PCDHAC1: variants seen among roughly 807,000 people sequenced by gnomAD.
The protein encoded by PCDHAC1 is protocadherin alpha-C1.
PCDHAC1 carries 42 observed loss-of-function variants against 60.0 expected under a neutral mutation model. The ratio of observed to expected loss-of-function variants is 0.70; its 90% confidence interval spans 0.55 to 0.90. The LOEUF (loss-of-function observed/expected upper bound fraction) is 0.90, where lower values mean the gene tolerates loss of function less well. Among genes scored for constraint, PCDHAC1 ranks in the 40% least tolerant of loss-of-function variants. The pLI is 0.00. For missense variants in PCDHAC1, 1,160 were observed against 1,222.3 expected, an observed-to-expected ratio of 0.95 and a Z score of 0.76; for synonymous variants, 468 against 499.3, an observed-to-expected ratio of 0.94 and a Z score of 0.84.
intron 1 of PCDHAC1, among the ~76,000 whole-genome samples, chr5:140,935,416 A>G (rs35902736): frequency 0.059 from 8,919 of 152,326 alleles, 374 homozygotes; most frequent in Non-Finnish European, 0.083. Context: ...ATGGACTTAG[A>G]AAACAATTTC....
intron 1 of PCDHAC1, chr5:140,930,385 C>T (rs1335168502): frequency 6.6e-6 from 1 of 151,798 alleles, no homozygotes; most frequent in Non-Finnish European, 1.5e-5. Flanking sequence ...CTTGGCATTT[C>T]AAAACTTCTT....
At position 140,960,349 on chromosome 5, in the gene PCDHAC1, A is replaced by T. The variant is rs936485666; in HGVS notation, c.2434-18600A>T. Among the ~76,000 whole-genome samples, 8 of 152,238 alleles carry T rather than the reference A, an allele frequency of 5.3e-5. No homozygotes were observed. The East Asian group carries it at 1.3e-3, about 26-fold the overall frequency. ...GAGAAGTACATGAGGTGAGATATGTACTGAAATAATATGCCAACTCTTAAG... is the reference window on the plus strand; with the variant it reads ...GAGAAGTACATGAGGTGAGATATGTTCTGAAATAATATGCCAACTCTTAAG... On this transcript the variant is annotated intron_variant, in intron 1 of 3. Coordinates refer to ENST00000253807, the MANE Select transcript of PCDHAC1 (RefSeq NM_018898.5).
intron 1 of PCDHAC1, chr5:140,967,993 T>C (rs372478638): frequency 1.5e-5 from 24 of 1,614,206 alleles, no homozygotes; most frequent in Non-Finnish European, 1.2e-5. Flanking sequence ...CCACACTGCC[T>C]TTCCGACTGA....
rs540052499 is a variant in PCDHAC1 at position 140,992,812 on chromosome 5, G to A, written c.2581+10249G>A. Among the ~76,000 whole-genome samples the A allele has an allele frequency of 2.5e-4, 38 of 152,228 alleles. No homozygotes were observed. The South Asian group carries it at 7.9e-3, about 32-fold the overall frequency. ...TTTTATGGATCCATATGTATCTAAG[G>A]ATGTGTTTGTTTTTTGGGAACATTT... is the stretch of plus-strand genomic sequence containing the variant. On this transcript the variant is annotated intron_variant, in intron 3 of 3. Transcript: ENST00000253807.
chr5:140,966,958 G>T (rs561982676), intron 1 of PCDHAC1: 4 of 1,602,380 alleles, frequency 2.5e-6, no homozygotes, highest in African/African-American at 2.7e-5. Context: ...TGGCTCGCGC[G>T]CTGGGGCTTG....
chr5:141,009,712 C>T lies in PCDHAC1; in HGVS notation c.2667C>T (p.Pro889=). The T allele has an allele frequency of 1.2e-6, 2 of 1,614,156 alleles. No individual in the cohort carries two copies. Among genetic ancestry groups the T allele is most frequent in the African/African-American group, 1.3e-5 (1 of 75,034 alleles). ...CCTTTAAATACGGACCAGGCAACCC[C>T]AAACAATCCGGTCCCGGTGAGTTGC... is the stretch of plus-strand genomic sequence containing the variant. ...SWTFKYGPGN[P]KQSGPGELPD... is the part of the protein sequence containing the mutation. The change falls in exon 4 of 4, where the codon CCC becomes CCT. Residue 889 remains proline (P), a synonymous_variant. Transcript: ENST00000253807.
chr5:140,966,903 A>G (rs1554228870), intron 1 of PCDHAC1: 2 of 1,599,926 alleles, frequency 1.3e-6, no homozygotes, highest in South Asian at 2.2e-5. Context: ...CAGCTGCGAT[A>G]CTCTGTGCCA....
At chr5:140,999,620 G>A (rs184259991) in intron 3 of PCDHAC1, among the ~76,000 whole-genome samples, 6 of 152,262 alleles carry the variant, frequency 3.9e-5, no homozygotes, top group African/African-American at 1.2e-4. Flanking sequence ...TATCAACCAG[G>A]AAACAAGGTA....
In PCDHAC1 at chr5:140,929,247, T is replaced by G. The variant is rs2085977234; in HGVS notation, c.2355T>G (p.Thr785=). The G allele has an allele frequency of 1.9e-6, 3 of 1,613,780 alleles. No individual in the cohort carries two copies. The change falls in exon 1 of 4, where the codon ACT becomes ACG. Residue 785 remains threonine, a synonymous_variant. Coordinates refer to ENST00000253807, the MANE Select transcript of PCDHAC1 (RefSeq NM_018898.5). The part of the protein sequence containing the change: ...YNAADLRNLA[T]GVGLNLPISC... Reference sequence around the variant, plus strand: ...CTGCCGACCTGCGAAATCTTGCCACTGGGGTAGGACTGAATTTGCCAATAT... The same window carrying G: ...CTGCCGACCTGCGAAATCTTGCCACGGGGGTAGGACTGAATTTGCCAATAT...
At position 140,927,089 on chromosome 5, in the gene PCDHAC1, T is replaced by G; in HGVS notation, c.197T>G (p.Phe66Cys). ...CTTTCCAGCCACCGCGAGCTCTACT[T>G]CGGGGTGGATCTACCCAGCGGCAAT... ...RFLSSHRELY[F>C]GVDLPSGNLV... Residue 66 changes from phenylalanine (F) to cysteine (C), a missense_variant, in exon 1 of 4, where the codon TTC (phenylalanine) becomes TGC (cysteine). Physicochemically the swap from Phe to Cys is radical, Grantham distance 205. This residue lies in a region of PCDHAC1 where 1,113 missense variants were observed against 1,163.7 expected (regional missense o/e 0.96). Transcript: ENST00000253807. 1 of 1,612,460 alleles carries G rather than the reference T, an allele frequency of 6.2e-7. No homozygotes were observed. The highest frequency in any genetic ancestry group is 8.5e-7 in the Non-Finnish European group (1 of 1,178,832).
At chr5:140,944,907 T>A (rs246063) in intron 1 of PCDHAC1, among the ~76,000 whole-genome samples, 85,748 of 151,952 alleles carry the variant, frequency 0.56, 24,800 homozygotes, top group African/African-American at 0.69. Flanking sequence ...TTCCACAAAC[T>A]TCTCTTTATA....
intron 1 of PCDHAC1, among the ~76,000 whole-genome samples, chr5:140,936,386 A>C (rs1321919652): frequency 6.6e-6 from 1 of 152,190 alleles, no homozygotes; most frequent in African/African-American, 2.4e-5. Context: ...GTGGCTAGTG[A>C]AACTGGGCTA....
intron 3 of PCDHAC1, among the ~76,000 whole-genome samples, chr5:140,990,421 G>A (rs374181612): frequency 2.6e-5 from 4 of 152,190 alleles, no homozygotes; most frequent in Non-Finnish European, 5.9e-5. Flanking sequence ...CTTTCAACCA[G>A]CATTGACCCA....
intron 3 of PCDHAC1, among the ~76,000 whole-genome samples, chr5:141,000,412 TA>T (rs2097919630): frequency 4.9e-5 from 5 of 102,770 alleles, no homozygotes; most frequent in Non-Finnish European, 5.8e-5. Context: ...TATATATATA[TA>T]TATATATATT....
chr5:140,928,204 G>A lies in PCDHAC1; in HGVS notation c.1312G>A (p.Val438Met), dbSNP rs1554205615. ...RRTITVSVAD[V>M]NDNTPNFPQP... ...GACAATCACTGTGTCAGTTGCTGATGTGAATGACAATACACCAAACTTTCC... is the reference window on the plus strand; with the variant it reads ...GACAATCACTGTGTCAGTTGCTGATATGAATGACAATACACCAAACTTTCC... The change falls in exon 1 of 4, where the codon GTG (valine) becomes ATG (methionine). Residue 438 changes from valine (V) to methionine (M), a missense_variant. Coordinates refer to ENST00000253807, the MANE Select transcript of PCDHAC1 (RefSeq NM_018898.5). 4 of 1,614,236 alleles carry A rather than the reference G, an allele frequency of 2.5e-6. No individual in the cohort carries two copies. The highest frequency in any genetic ancestry group is 1.6e-4 in the Middle Eastern group (1 of 6,062).
chr5:140,927,651 C>A lies in PCDHAC1; in HGVS notation c.759C>A (p.Phe253Leu). The stretch of plus-strand genomic sequence containing the variant: ...CTGCACCCAATGGGACTGTGTTATT[C>A]CGAGTTCAAGCCTTGGATCCAGATG... ...PETAPNGTVL[F>L]RVQALDPDEG... Residue 253 changes from phenylalanine to leucine, a missense_variant, in exon 1 of 4, where the codon TTC (phenylalanine) becomes TTA (leucine). This residue lies in a region of PCDHAC1 where 1,113 missense variants were observed against 1,163.7 expected (regional missense o/e 0.96). Coordinates refer to ENST00000253807, the MANE Select transcript of PCDHAC1 (RefSeq NM_018898.5). 1.2e-6 allele frequency: 2 copies of A among 1,614,216 alleles called. No individual in the cohort carries two copies. The highest frequency in any genetic ancestry group is 1.7e-6 in the Non-Finnish European group (2 of 1,180,046).
chr5:140,926,614 C>A lies in PCDHAC1; in HGVS notation c.-279C>A, dbSNP rs2083406581. On this transcript the variant is annotated 5_prime_UTR_variant, in exon 1 of 4. Transcript: ENST00000253807. The stretch of plus-strand genomic sequence containing the variant: ...GGGCGGGCGGCCTCGTCTCTGCACC[C>A]CTAGGCGGCGCTGCGCTCCTCAACA... 5.3e-6 allele frequency: 2 copies of A among 377,642 alleles called. No homozygotes were observed. Among genetic ancestry groups the A allele is most frequent in the Admixed American group, 4.4e-5 (1 of 22,816 alleles). 23.4% of individuals were successfully genotyped at this position (377,642 alleles called of 1,614,324 possible).
At chr5:140,939,593 T>C (rs1554212802) in intron 1 of PCDHAC1, among the ~76,000 whole-genome samples, 1 of 152,198 alleles carries the variant, frequency 6.6e-6, no homozygotes, top group African/African-American at 2.4e-5. Flanking sequence ...TAACATACCT[T>C]GCTCAAAAAC....
chr5:140,963,551 G>C (rs2095774327), intron 1 of PCDHAC1, among the ~76,000 whole-genome samples: 1 of 152,158 alleles, frequency 6.6e-6, no homozygotes, highest in African/African-American at 2.4e-5. Flanking sequence ...GATATAAAAA[G>C]GGGCTGTTTT....
Sources: allele counts gnomAD v4.1 joint callset (sites outside exome capture counted in the v4.1 genomes callset), GRCh38; gene constraint gnomAD v4.1.1; regional missense constraint gnomAD v4.1.1; transcripts MANE v1.5; gene names NCBI Gene and HGNC (gene_info 2026-07-23, HGNC 2026-07-21).